Variants in HPSE2 observed in about 807,000 individuals in gnomAD.
HPSE2 encodes the protein heparanase 2 (inactive).
A neutral mutation model predicts 60.5 loss-of-function variants in HPSE2; 38 were observed. The observed-to-expected ratio is 0.63, with a 90% CI of 0.48 to 0.82. HPSE2 has a LOEUF of 0.82. HPSE2 is among the 40% of genes least tolerant of loss of function. HPSE2 has a pLI of 0.00. For synonymous variants in HPSE2, 295 were observed against 293.2 expected, an observed-to-expected ratio of 1.01 and a Z score of -0.06; for missense variants, 713 against 740.4, an observed-to-expected ratio of 0.96 and a Z score of 0.43.
chr10:98,519,406 C>T (rs1372399607), intron 9 of HPSE2, among the ~76,000 whole-genome samples: 1 of 152,216 alleles, frequency 6.6e-6, no homozygotes, highest in Non-Finnish European at 1.5e-5. Flanking sequence ...CAAAGGAGTA[C>T]AAGCCCCTGT....
At chr10:98,642,197 G>T (rs1296385207) in intron 6 of HPSE2, among the ~76,000 whole-genome samples, 2 of 152,032 alleles carry the variant, frequency 1.3e-5, no homozygotes, top group East Asian at 3.9e-4. Context: ...TTGCTTACTT[G>T]CTGGAATTGA....
At chr10:98,621,837 T>C (rs1353624836) in intron 7 of HPSE2, among the ~76,000 whole-genome samples, 1 of 152,216 alleles carries the variant, frequency 6.6e-6, no homozygotes, top group Non-Finnish European at 1.5e-5. Context: ...AGGTACTACG[T>C]AGTACACTGA....
At chr10:98,659,768 T>TC (rs35514367) in intron 6 of HPSE2, among the ~76,000 whole-genome samples, 127,617 of 152,106 alleles carry the variant, frequency 0.84, 56,925 homozygotes, top group Non-Finnish European at 1. Context: ...GTAAAGAGTC[T>TC]CTTTGAACAA....
At chr10:99,019,190 T>C (rs901231824) in intron 3 of HPSE2, among the ~76,000 whole-genome samples, 1 of 152,204 alleles carries the variant, frequency 6.6e-6, no homozygotes, top group African/African-American at 2.4e-5. Flanking sequence ...AGGAAGCACA[T>C]GTTCCCAGCC....
intron 4 of HPSE2, among the ~76,000 whole-genome samples, chr10:98,728,034 C>T (rs2134275056): frequency 2.0e-5 from 3 of 151,920 alleles, no homozygotes; most frequent in Admixed American, 2.0e-4. Flanking sequence ...AGCAAATATG[C>T]CTTATAAGAA....
At chr10:99,220,554 C>G (rs1435282260) in intron 2 of HPSE2, among the ~76,000 whole-genome samples, 1 of 152,080 alleles carries the variant, frequency 6.6e-6, no homozygotes, top group East Asian at 1.9e-4. Context: ...CCTGTAATCC[C>G]AGCACTTTGG....
chr10:98,752,139 T>C (rs1245716493), intron 3 of HPSE2, among the ~76,000 whole-genome samples: 1 of 152,176 alleles, frequency 6.6e-6, no homozygotes, highest in Non-Finnish European at 1.5e-5. Flanking sequence ...TCTTCTTATC[T>C]AGGTTTATGA....
At chr10:98,611,098 G>C (rs952420669) in intron 9 of HPSE2, among the ~76,000 whole-genome samples, 2 of 152,182 alleles carry the variant, frequency 1.3e-5, no homozygotes, top group Admixed American at 6.5e-5. Context: ...TGTTGGGGGG[G>C]GCCAGGGGAA....
intron 9 of HPSE2, among the ~76,000 whole-genome samples, chr10:98,558,623 A>G (rs1944082523): frequency 6.6e-6 from 1 of 152,194 alleles, no homozygotes; most frequent in Non-Finnish European, 1.5e-5. Flanking sequence ...AAGGGAGAAC[A>G]TGGGGAGGGG....
At chr10:98,692,264 C>T (rs888736095) in intron 6 of HPSE2, among the ~76,000 whole-genome samples, 1 of 152,072 alleles carries the variant, frequency 6.6e-6, no homozygotes, top group Non-Finnish European at 1.5e-5. Flanking sequence ...CAGATATGCA[C>T]ATGGACCTGA....
At chr10:98,487,659 C>T (rs1211278873) in intron 10 of HPSE2, among the ~76,000 whole-genome samples, 3 of 152,220 alleles carry the variant, frequency 2.0e-5, no homozygotes, top group African/African-American at 7.2e-5. Flanking sequence ...CTGGATGATT[C>T]TACTCATAAG....
chr10:98,874,115 A>G (rs1195283781), intron 3 of HPSE2, among the ~76,000 whole-genome samples: 2 of 150,938 alleles, frequency 1.3e-5, no homozygotes, highest in African/African-American at 4.9e-5. Context: ...GACCTTTGTC[A>G]GATGTGTAGA....
intron 5 of HPSE2, among the ~76,000 whole-genome samples, chr10:98,698,581 C>T (rs1190434406): frequency 4.6e-5 from 7 of 152,018 alleles, no homozygotes; most frequent in African/African-American, 1.7e-4. Context: ...ATTAAAAGAA[C>T]TAGAAAAGCA....
intron 3 of HPSE2, among the ~76,000 whole-genome samples, chr10:99,082,224 C>T (rs1843169412): frequency 6.6e-6 from 1 of 152,158 alleles, no homozygotes; most frequent in Non-Finnish European, 1.5e-5. Context: ...AACCCTAAAT[C>T]TAAACCGATC....
intron 3 of HPSE2, among the ~76,000 whole-genome samples, chr10:99,041,143 A>T (rs1030513874): frequency 6.6e-6 from 1 of 152,186 alleles, no homozygotes; most frequent in African/African-American, 2.4e-5. Context: ...GAAATGTCAC[A>T]ACCTTTTTTA....
intron 9 of HPSE2, among the ~76,000 whole-genome samples, chr10:98,552,796 A>G (rs886223710): frequency 1.3e-5 from 2 of 152,142 alleles, no homozygotes; most frequent in African/African-American, 2.4e-5. Context: ...ATTTGATGAT[A>G]TGAGAAGTAT....
chr10:99,054,487 A>G (rs1466712686), intron 3 of HPSE2, among the ~76,000 whole-genome samples: 1 of 152,144 alleles, frequency 6.6e-6, no homozygotes, highest in Non-Finnish European at 1.5e-5. Context: ...GAGATCCACA[A>G]CAGAGACACA....
intron 2 of HPSE2, among the ~76,000 whole-genome samples, chr10:99,150,250 C>T (rs1360788385): frequency 6.6e-6 from 1 of 152,186 alleles, no homozygotes. Flanking sequence ...TTTCCATAAA[C>T]TAACCAGTTA....
At chr10:98,666,426 A>T (rs984486252) in intron 6 of HPSE2, among the ~76,000 whole-genome samples, 1 of 152,204 alleles carries the variant, frequency 6.6e-6, no homozygotes, top group Non-Finnish European at 1.5e-5. Flanking sequence ...ATTCTTGACC[A>T]ATTGGACCTA....
Sources: gnomAD v4.1 joint callset for allele counts (sites outside exome capture counted in the v4.1 genomes callset) on GRCh38, gnomAD v4.1.1 for gene constraint, MANE v1.5 for transcripts, NCBI Gene and HGNC (gene_info 2026-07-23, HGNC 2026-07-21) for gene names.